Variants in LHX3 observed in about 807,000 individuals in gnomAD.
LHX3 encodes the protein LIM/homeobox protein Lhx3.
LHX3 carries 21 observed loss-of-function variants against 32.4 expected under a neutral mutation model. The observed-to-expected ratio is 0.65, with a 90% CI of 0.46 to 0.93. LHX3 has a LOEUF of 0.93. Ranked by LOEUF, LHX3 falls within the 40% of genes least tolerant of loss-of-function variation. LHX3 has a pLI of 0.00. For synonymous variants in LHX3, 258 were observed against 246.8 expected (o/e 1.05, Z -0.43); for missense variants, 626 against 560.0 (o/e 1.12, Z -1.19).
chr9:136,203,110 T>G (rs1254291705), intron 1 of LHX3: 13 of 1,436,068 alleles, frequency 9.1e-6, no homozygotes, highest in Admixed American at 7.4e-5. Flanking sequence ...CACCCCGCAA[T>G]AGCCCCGAAC....
chr9:136,198,876 C>T (rs1831563247), intron 4 of LHX3, 32 bp downstream of exon 4: 2 of 1,590,912 alleles, frequency 1.3e-6, no homozygotes, highest in Non-Finnish European at 8.5e-7. Flanking sequence ...CCCAAGGCCG[C>T]GGGCGGGAGG....
intron 1 of LHX3, chr9:136,201,454 C>T (rs1831637993): frequency 1.6e-6 from 2 of 1,218,780 alleles, no homozygotes; most frequent in Admixed American, 4.1e-5. Flanking sequence ...TTCGGTACTG[C>T]AGGCCCCCTG....
In LHX3 at chr9:136,198,713, G is replaced by A. The variant is rs766455816; in HGVS notation, c.714C>T (p.Ser238=). The part of the protein sequence containing the change: ...FRNMKRSRGG[S]KSDKDSVQEG... Reference sequence around the variant, plus strand: ...CCTGAACGCTGTCCTTGTCCGACTTGGAGCCGCCGCGGGAGCGCTTCATGT... The same window carrying A: ...CCTGAACGCTGTCCTTGTCCGACTTAGAGCCGCCGCGGGAGCGCTTCATGT... The change falls in exon 5 of 6, where the codon TCC becomes TCT. Residue 238 remains serine (S), a synonymous_variant. Coordinates refer to ENST00000371748, the MANE Select transcript of LHX3 (RefSeq NM_178138.6). 6.2e-7 allele frequency: 1 copy of A among 1,611,382 alleles called. No homozygotes were observed. Among genetic ancestry groups the A allele is most frequent in the South Asian group, 1.1e-5 (1 of 91,034 alleles).
rs1564280129 is a variant in LHX3 at position 136,196,398 on chromosome 9, G to T, written c.*927C>A. ...TTGACTTACACACAGGCCAGCCTTTGTGTCTGGGGCACGCACAGCTGCGGG... is the reference window on the plus strand; with the variant it reads ...TTGACTTACACACAGGCCAGCCTTTTTGTCTGGGGCACGCACAGCTGCGGG... On this transcript the variant is annotated 3_prime_UTR_variant, in exon 6 of 6. Coordinates refer to ENST00000371748, the MANE Select transcript of LHX3 (RefSeq NM_178138.6). 1.3e-5 allele frequency: 2 copies of T among 152,526 alleles called. No homozygotes were observed. The highest frequency in any genetic ancestry group is 4.8e-5 in the African/African-American group (2 of 41,476). The allele number at this position is 152,526 out of a possible 1,614,324, so 9.4% of individuals were successfully genotyped here. A position where few individuals can be genotyped will look rare whatever the true frequency, so the allele number is the denominator to read the frequency against.
intron 5 of LHX3, among the ~76,000 whole-genome samples, chr9:136,198,155 A>G (rs1831542463): frequency 6.6e-6 from 1 of 152,206 alleles, no homozygotes; most frequent in Non-Finnish European, 1.5e-5. Flanking sequence ...GAGGATGGGC[A>G]TCAACAGATG....
intron 3 of LHX3, 152 bp downstream of exon 3, chr9:136,199,526 C>T (rs1201645098): frequency 1.2e-5 from 10 of 835,200 alleles, no homozygotes; most frequent in Admixed American, 2.0e-5. Flanking sequence ...CCGCCGTTCC[C>T]GGCCTCGGCT....
At chr9:136,201,013 C>T (rs1268650453) in intron 1 of LHX3, among the ~76,000 whole-genome samples, 2 of 152,200 alleles carry the variant, frequency 1.3e-5, no homozygotes, top group African/African-American at 4.8e-5. Context: ...AAGAAAGCAG[C>T]CCAGGCCATT....
intron 1 of LHX3, among the ~76,000 whole-genome samples, chr9:136,202,058 GT>G (rs1423508749): frequency 5.9e-5 from 9 of 152,178 alleles, no homozygotes; most frequent in Non-Finnish European, 1.3e-4. Flanking sequence ...GGGCTCCTGT[GT>G]CAGGGATGGC....
Position 136,196,545 on chromosome 9 carries a change from G to A in LHX3, c.*780C>T, listed in dbSNP as rs4842130. ...GGGGCTGGCAGAGCCGGCTCCGGCA[G>A]GGAGGGCAGGCTGTTTGGCAACAGA... On this transcript the variant is annotated 3_prime_UTR_variant, in exon 6 of 6. Coordinates refer to ENST00000371748, the MANE Select transcript of LHX3 (RefSeq NM_178138.6). 1,589 of 152,976 alleles carry A rather than the reference G, an allele frequency of 0.01. 7 individuals carry two copies. Among genetic ancestry groups the A allele is most frequent in the Non-Finnish European group, 0.018 (1,213 of 68,140 alleles). 9.5% of individuals were successfully genotyped at this position (152,976 alleles called of 1,614,324 possible).
At position 136,204,916 on chromosome 9, in the gene LHX3, T is replaced by C; in HGVS notation, c.79+18A>G. On this transcript the variant is annotated intron_variant, in intron 1 of 5. Coordinates refer to ENST00000371748, the MANE Select transcript of LHX3 (RefSeq NM_178138.6). ...CCGCCCTTGCCGTTTCTGTCCTCAG[T>C]GTCCTGCTGGGGCTTACCCCGAGTC... The C allele has an allele frequency of 1.9e-6, 3 of 1,586,166 alleles. No individual in the cohort carries two copies. In the South Asian group the frequency reaches 3.4e-5, roughly 18 times the overall value.
intron 1 of LHX3, among the ~76,000 whole-genome samples, chr9:136,202,592 C>A (rs1004289070): frequency 6.6e-6 from 1 of 152,168 alleles, no homozygotes; most frequent in Non-Finnish European, 1.5e-5. Context: ...CCGGCTGGGG[C>A]GGCCTTCTTG....
At chr9:136,204,736 C>G (rs930050173) in intron 1 of LHX3, among the ~76,000 whole-genome samples, 198 bp downstream of exon 1, 5 of 152,172 alleles carry the variant, frequency 3.3e-5, no homozygotes, top group African/African-American at 1.2e-4. Flanking sequence ...ACCGCTGTCC[C>G]GCACTCTTGC....
intron 1 of LHX3, chr9:136,201,532 G>A: frequency 8.8e-7 from 1 of 1,133,308 alleles, no homozygotes; most frequent in Non-Finnish European, 1.1e-6. Context: ...GGGTTTTCCA[G>A]GTGTCAAGGG....
rs752213777 is a variant in LHX3 at position 136,205,047 on chromosome 9, C to T, written c.-35G>A. On this transcript the variant is annotated 5_prime_UTR_variant, in exon 1 of 6. Transcript: ENST00000371748. ...CAGGCCGAGTGGCGCGAGACGCGCT[C>T]CTCCTAGGTCAGCGTCCCCTGGAGG... 27 of 1,537,418 alleles carry T rather than the reference C, an allele frequency of 1.8e-5. No individual in the cohort carries two copies. The South Asian group carries it at 2.8e-4, about 16-fold the overall frequency.
intron 1 of LHX3, chr9:136,201,370 G>T (rs1831635915): frequency 1.6e-6 from 2 of 1,240,396 alleles, no homozygotes; most frequent in Non-Finnish European, 2.0e-6. Context: ...TTTGTGTCAG[G>T]CGTGGGTGCC....
At chr9:136,198,630 G>A in intron 5 of LHX3, 22 bp downstream of exon 5, 1 of 1,549,388 alleles carries the variant, frequency 6.5e-7, no homozygotes, top group Non-Finnish European at 8.7e-7. Flanking sequence ...CCCCCCCCGA[G>A]CTCCGCGATC....
intron 1 of LHX3, among the ~76,000 whole-genome samples, chr9:136,202,029 G>A (rs1203718836): frequency 6.6e-6 from 1 of 152,030 alleles, no homozygotes; most frequent in Non-Finnish European, 1.5e-5. Context: ...ACGCTGCATG[G>A]CGACTCCAGC....
chr9:136,202,618 C>G (rs1001886957), intron 1 of LHX3, among the ~76,000 whole-genome samples: 6 of 152,096 alleles, frequency 3.9e-5, no homozygotes, highest in Admixed American at 6.5e-5. Flanking sequence ...CCTCCTGTCC[C>G]GTGGTCACTG....
chr9:136,200,957 C>G (rs1831627278), intron 1 of LHX3, among the ~76,000 whole-genome samples: 1 of 152,182 alleles, frequency 6.6e-6, no homozygotes, highest in African/African-American at 2.4e-5. Flanking sequence ...CATCCTATGT[C>G]AGGAGCTAAG....
Sources: gnomAD v4.1 joint callset for allele counts (sites outside exome capture counted in the v4.1 genomes callset) on GRCh38, gnomAD v4.1.1 for gene constraint, MANE v1.5 for transcripts, NCBI Gene and HGNC (gene_info 2026-07-23, HGNC 2026-07-21) for gene names.